GLDC: variants seen among roughly 807,000 people sequenced by gnomAD.
GLDC encodes the protein glycine dehydrogenase (decarboxylating), mitochondrial.
Under a neutral mutation model 121.3 loss-of-function variants are expected in GLDC, and 104 were observed. The ratio of observed to expected loss-of-function variants is 0.86; its 90% CI spans 0.73 to 1.01. The LOEUF is 1.01. Among genes scored for constraint, GLDC ranks in the 50% least tolerant of loss-of-function variants. The pLI is 0.00. For missense variants in GLDC, 1,429 were observed against 1,306.6 expected (o/e 1.09, Z -1.44); for synonymous variants, 546 against 480.6 (o/e 1.14, Z -1.78).
In GLDC at chr9:6,604,819, C is replaced by T. The variant is rs571272262; in HGVS notation, c.862-35G>A. ...AAGTGAGAGAAAAGGAACAAGGTTG[C>T]TACCTTTCCCTGAGAGTAGTGGGAG... On this transcript the variant is annotated intron_variant, in intron 6 of 24. Coordinates refer to ENST00000321612, the MANE Select transcript of GLDC (RefSeq NM_000170.3). 2.6e-5 allele frequency: 40 copies of T among 1,540,244 alleles called. No homozygotes were observed. In the South Asian group the frequency reaches 3.5e-4, roughly 13 times the overall value.
At chr9:6,570,602 C>A (rs991626889) in intron 15 of GLDC, among the ~76,000 whole-genome samples, 47 of 152,046 alleles carry the variant, frequency 3.1e-4, no homozygotes, top group African/African-American at 1.1e-3. Context: ...GCCTGTAATC[C>A]CAGCACTTTG....
chr9:6,535,643 AC>A (rs1817110884), intron 23 of GLDC, among the ~76,000 whole-genome samples: 1 of 152,172 alleles, frequency 6.6e-6, no homozygotes, highest in African/African-American at 2.4e-5. Flanking sequence ...TGCCCAACCA[AC>A]TTTTCCCCAA....
At chr9:6,607,950 C>G (rs1818769417) in intron 4 of GLDC, among the ~76,000 whole-genome samples, 2 of 151,606 alleles carry the variant, frequency 1.3e-5, no homozygotes, top group African/African-American at 2.4e-5. Context: ...TGGCAAAACC[C>G]TATCTCTACA....
chr9:6,603,599 G>A (rs952301799), intron 7 of GLDC, among the ~76,000 whole-genome samples: 3 of 151,848 alleles, frequency 2.0e-5, no homozygotes, highest in Non-Finnish European at 4.4e-5. Flanking sequence ...TCACATCATT[G>A]ACTAATTCAG....
At chr9:6,558,207 G>A in intron 17 of GLDC, 2 of 528,778 alleles carry the variant, frequency 3.8e-6, no homozygotes, top group South Asian at 2.4e-5. Context: ...TGACATTTGT[G>A]TTACAATTCC....
At chr9:6,573,841 TG>T (rs1352932648) in intron 15 of GLDC, among the ~76,000 whole-genome samples, 1 of 152,026 alleles carries the variant, frequency 6.6e-6, no homozygotes, top group South Asian at 2.1e-4. Flanking sequence ...AAGGGAAAAA[TG>T]GGTGCAGATT....
chr9:6,632,872 G>A (rs1012293322), intron 2 of GLDC, among the ~76,000 whole-genome samples: 4 of 152,106 alleles, frequency 2.6e-5, no homozygotes, highest in African/African-American at 9.7e-5. Context: ...TGATGGTGGG[G>A]TGGAGGACAC....
chr9:6,634,047 G>T (rs1336184923), intron 2 of GLDC, among the ~76,000 whole-genome samples: 1 of 151,518 alleles, frequency 6.6e-6, no homozygotes, highest in Non-Finnish European at 1.5e-5. Context: ...AGCCAGGATG[G>T]TCTCGATCTC....
chr9:6,565,024 TGA>T (rs766826283), intron 16 of GLDC, among the ~76,000 whole-genome samples: 1 of 152,222 alleles, frequency 6.6e-6, no homozygotes, highest in Non-Finnish European at 1.5e-5. Flanking sequence ...GGGCCGGGGC[TGA>T]GCCAAGGAGA....
chr9:6,639,317 A>T, intron 2 of GLDC: 1 of 933,712 alleles, frequency 1.1e-6, no homozygotes, highest in South Asian at 1.3e-5. Flanking sequence ...AGACAGCCCA[A>T]ATATCCTCGG....
At position 6,637,107 on chromosome 9, in the gene GLDC, C is replaced by A. The variant is rs111654340; in HGVS notation, c.334+7507G>T. Among the ~76,000 whole-genome samples, 189 of 149,646 alleles carry A rather than the reference C, an allele frequency of 1.3e-3. 1 individual carries two copies. The highest frequency in any genetic ancestry group is 4.5e-3 in the African/African-American group (182 of 40,768). On this transcript the variant is annotated intron_variant, in intron 2 of 24. Transcript: ENST00000321612. The stretch of plus-strand genomic sequence containing the variant: ...TGTTTGTTTTTTTTTTTAAAAAAGT[C>A]CGGGCACAATGGCTCACGCCTGTAA...
chr9:6,583,023 C>T (rs952379356), intron 15 of GLDC, among the ~76,000 whole-genome samples: 1 of 152,154 alleles, frequency 6.6e-6, no homozygotes, highest in Non-Finnish European at 1.5e-5. Flanking sequence ...TACCACTTCA[C>T]ACCTACCAGA....
chr9:6,584,551 A>G (rs1233450796), intron 15 of GLDC, among the ~76,000 whole-genome samples: 1 of 152,240 alleles, frequency 6.6e-6, no homozygotes, highest in Non-Finnish European at 1.5e-5. Context: ...AAGGTTAAAA[A>G]AATCACTTAT....
At chr9:6,569,907 T>C (rs1231512900) in intron 15 of GLDC, among the ~76,000 whole-genome samples, 3 of 150,422 alleles carry the variant, frequency 2.0e-5, no homozygotes, top group Non-Finnish European at 4.4e-5. Flanking sequence ...AGCAAGGAGG[T>C]GGAGGCTGCA....
Position 6,592,835 on chromosome 9 carries a change from T to G in GLDC, c.1401+16A>C. 1 of 1,610,568 alleles carries G rather than the reference T, an allele frequency of 6.2e-7. No homozygotes were observed. Among genetic ancestry groups the G allele is most frequent in the Non-Finnish European group, 8.5e-7 (1 of 1,178,358 alleles). On this transcript the variant is annotated intron_variant, in intron 10 of 24. Coordinates refer to ENST00000321612, the MANE Select transcript of GLDC (RefSeq NM_000170.3). Reference sequence around the variant, plus strand: ...AAATTTGAAAAACTGGTAAAAATACTGAAAATTTGACTTACTGTGCCATCC... The same window carrying G: ...AAATTTGAAAAACTGGTAAAAATACGGAAAATTTGACTTACTGTGCCATCC...
chr9:6,644,969 G>A (rs1819710650), intron 1 of GLDC: 3 of 610,356 alleles, frequency 4.9e-6, no homozygotes, highest in Admixed American at 5.9e-5. Flanking sequence ...CTCTTGCAAA[G>A]TTTAGGTCCA....
At chr9:6,586,261 C>T (rs7048872) in intron 15 of GLDC, among the ~76,000 whole-genome samples, 78,522 of 151,840 alleles carry the variant, frequency 0.52, 20,743 homozygotes, top group Middle Eastern at 0.57. Context: ...CGCCATTGCA[C>T]TCCAGCCTGG....
At chr9:6,581,603 C>T (rs887561455) in intron 15 of GLDC, among the ~76,000 whole-genome samples, 4 of 152,128 alleles carry the variant, frequency 2.6e-5, no homozygotes, top group Non-Finnish European at 5.9e-5. Flanking sequence ...GGGTCTATGT[C>T]GCTCTCATGG....
intron 2 of GLDC, among the ~76,000 whole-genome samples, chr9:6,624,687 T>A (rs769940426): frequency 1.1e-4 from 16 of 152,124 alleles, no homozygotes; most frequent in Non-Finnish European, 1.8e-4. Context: ...AGCTGGCCAG[T>A]TAAAAAAGGC....
Sources: gnomAD v4.1 joint callset for allele counts (sites outside exome capture counted in the v4.1 genomes callset) on GRCh38, gnomAD v4.1.1 for gene constraint, MANE v1.5 for transcripts, NCBI Gene and HGNC (gene_info 2026-07-23, HGNC 2026-07-21) for gene names.